PCDH15: variants seen among roughly 807,000 people sequenced by gnomAD.
PCDH15 encodes protocadherin related 15.
Under a neutral mutation model 178.5 loss-of-function variants are expected in PCDH15, and 129 were observed. That is an observed-to-expected ratio of 0.72 (90% CI 0.63 to 0.84). PCDH15 has a LOEUF of 0.84. Among genes scored for constraint, PCDH15 ranks in the 40% least tolerant of loss-of-function variants. PCDH15 has a pLI of 0.00. For synonymous variants in PCDH15, 800 were observed against 732.0 expected, an observed-to-expected ratio of 1.09 and a Z score of -1.50; for missense variants, 2,230 against 2,099.9, an observed-to-expected ratio of 1.06 and a Z score of -1.21.
At chr10:53,892,893 C>T (rs2081671829) in intron 26 of PCDH15, among the ~76,000 whole-genome samples, 1 of 152,084 alleles carries the variant, frequency 6.6e-6, no homozygotes, top group Admixed American at 6.5e-5. Context: ...TTGTAATCAT[C>T]TGTCTGCATT....
At chr10:55,347,498 T>C (rs1337646339) in intron 2 of PCDH15, among the ~76,000 whole-genome samples, 1 of 152,164 alleles carries the variant, frequency 6.6e-6, no homozygotes, top group Non-Finnish European at 1.5e-5. Context: ...AATAAATACA[T>C]ACTATTTTTC....
intron 2 of PCDH15, among the ~76,000 whole-genome samples, chr10:54,998,856 A>T (rs1273937343): frequency 6.6e-6 from 1 of 152,176 alleles, no homozygotes; most frequent in Non-Finnish European, 1.5e-5. Flanking sequence ...AGACTTAAAG[A>T]TATTCAGTTG....
At chr10:54,958,337 C>T (rs1838546391) in intron 2 of PCDH15, among the ~76,000 whole-genome samples, 1 of 151,692 alleles carries the variant, frequency 6.6e-6, no homozygotes, top group Non-Finnish European at 1.5e-5. Flanking sequence ...ACCTACGTCA[C>T]CATGGTATCC....
intron 2 of PCDH15, among the ~76,000 whole-genome samples, chr10:55,413,644 G>T (rs1838401460): frequency 6.6e-6 from 1 of 151,330 alleles, no homozygotes; most frequent in Non-Finnish European, 1.5e-5. Flanking sequence ...ATTTCCTTTT[G>T]TTTCTCACAA....
At chr10:54,920,468 CAAAAAAAA>C (rs71014429) in intron 2 of PCDH15, among the ~76,000 whole-genome samples, 3 of 57,790 alleles carry the variant, frequency 5.2e-5, no homozygotes, top group Admixed American at 2.9e-4. Context: ...GACTGTGTCT[CAAAAAAAA>C]AAAAAAAAAA....
chr10:55,591,789 A>C (rs1842846871), intron 2 of PCDH15, among the ~76,000 whole-genome samples: 1 of 152,082 alleles, frequency 6.6e-6, no homozygotes, highest in Non-Finnish European at 1.5e-5. Context: ...ATAATACATA[A>C]CAAAAAAATT....
intron 3 of PCDH15, among the ~76,000 whole-genome samples, chr10:54,872,636 T>C (rs1954059376): frequency 6.6e-6 from 1 of 152,138 alleles, no homozygotes; most frequent in South Asian, 2.1e-4. Flanking sequence ...GTCATCATTT[T>C]TGGCTTTATG....
intron 2 of PCDH15, among the ~76,000 whole-genome samples, chr10:55,397,479 A>C (rs1192150810): frequency 6.6e-6 from 1 of 152,122 alleles, no homozygotes; most frequent in Non-Finnish European, 1.5e-5. Context: ...TACTTTTGTA[A>C]TCTACCTCCT....
chr10:54,249,835 G>A (rs1032119083), intron 8 of PCDH15, among the ~76,000 whole-genome samples: 49 of 151,992 alleles, frequency 3.2e-4, no homozygotes, highest in Middle Eastern at 3.4e-3. Context: ...CAAATTATAG[G>A]TGGAATTTTA....
chr10:54,108,090 A>G (rs773382165), intron 15 of PCDH15, among the ~76,000 whole-genome samples: 37 of 152,284 alleles, frequency 2.4e-4, no homozygotes, highest in Admixed American at 1.2e-3. Context: ...GTGGGATGTC[A>G]AAGCAAGAGT....
intron 1 of PCDH15, among the ~76,000 whole-genome samples, chr10:54,684,838 C>A (rs2135710809): frequency 6.6e-6 from 1 of 151,992 alleles, no homozygotes; most frequent in East Asian, 1.9e-4. Context: ...AATAGAATGT[C>A]TGAAAACTTA....
At chr10:53,855,118 T>C (rs1019415413) in intron 28 of PCDH15, among the ~76,000 whole-genome samples, 8 of 152,060 alleles carry the variant, frequency 5.3e-5, no homozygotes, top group African/African-American at 1.9e-4. Context: ...GTATCAAGTG[T>C]CTACTATATA....
intron 8 of PCDH15, among the ~76,000 whole-genome samples, chr10:54,315,465 C>T (rs781057863): frequency 6.6e-6 from 1 of 152,090 alleles, no homozygotes; most frequent in African/African-American, 2.4e-5. Context: ...AATATTTTCT[C>T]CCGTTCTGTA....
At chr10:55,302,010 T>G (rs1323899465) in intron 1 of PCDH15, among the ~76,000 whole-genome samples, 2 of 152,196 alleles carry the variant, frequency 1.3e-5, no homozygotes, top group Non-Finnish European at 2.9e-5. Context: ...ACGAAGTTAG[T>G]AGAATGCTAT....
chr10:55,365,934 G>C (rs1845347996), intron 2 of PCDH15, among the ~76,000 whole-genome samples: 1 of 151,940 alleles, frequency 6.6e-6, no homozygotes, highest in Admixed American at 6.6e-5. Flanking sequence ...CCACTCCTTA[G>C]ATTAGAAAGA....
At chr10:54,100,950 G>C (rs2094800319) in intron 15 of PCDH15, among the ~76,000 whole-genome samples, 1 of 151,962 alleles carries the variant, frequency 6.6e-6, no homozygotes, top group Non-Finnish European at 1.5e-5. Context: ...CAGAAAGAAA[G>C]ATCTCCAGTT....
chr10:54,908,208 C>A (rs943317574), intron 2 of PCDH15, among the ~76,000 whole-genome samples: 1 of 152,164 alleles, frequency 6.6e-6, no homozygotes, highest in Non-Finnish European at 1.5e-5. Flanking sequence ...GAGCCTGGCC[C>A]AGAGTGGCAA....
intron 2 of PCDH15, among the ~76,000 whole-genome samples, chr10:54,623,053 C>G (rs2093437500): frequency 1.3e-5 from 2 of 151,780 alleles, no homozygotes; most frequent in Non-Finnish European, 2.9e-5. Flanking sequence ...AAAGTCCAAT[C>G]CAATCAACTT....
intron 2 of PCDH15, among the ~76,000 whole-genome samples, chr10:54,995,045 G>A (rs1839602618): frequency 6.6e-6 from 1 of 152,078 alleles, no homozygotes; most frequent in South Asian, 2.1e-4. Flanking sequence ...AGTTATCGTA[G>A]GTTTTATGAT....
Sources: allele counts gnomAD v4.1 joint callset (sites outside exome capture counted in the v4.1 genomes callset), GRCh38; gene constraint gnomAD v4.1.1; transcripts MANE v1.5; gene names NCBI Gene and HGNC (gene_info 2026-07-23, HGNC 2026-07-21).